SLIT2: variants seen among roughly 807,000 people sequenced by gnomAD.
SLIT2 encodes the protein slit homolog 2 protein.
In SLIT2, 41 loss-of-function variants were observed where a neutral mutation model predicts 185.7. The ratio of observed to expected loss-of-function variants is 0.22; its 90% CI spans 0.17 to 0.29. The LOEUF is 0.29. SLIT2 is among the 10% of genes least tolerant of loss of function. The pLI is 1.00. For synonymous variants in SLIT2, 693 were observed against 680.2 expected, an observed-to-expected ratio of 1.02 and a Z score of -0.29; for missense variants, 1,571 against 1,909.0, an observed-to-expected ratio of 0.82 and a Z score of 3.30.
Position 20,369,306 on chromosome 4 carries a change from C to A in SLIT2, c.396-98446C>A, listed in dbSNP as rs149014199. ...GTCTGGCCATTACAGGGTTGTAATG[C>A]TCATACATGCTGTTGAGGCAGAGGT... On this transcript the variant is annotated intron_variant, in intron 4 of 36. Coordinates refer to ENST00000504154, the MANE Select transcript of SLIT2 (RefSeq NM_004787.4). Among the ~76,000 whole-genome samples, 1,153 of 151,950 alleles carry A rather than the reference C, an allele frequency of 7.6e-3. 27 individuals are homozygous for A. The highest frequency in any genetic ancestry group is 6.8e-3 in the Middle Eastern group (2 of 294).
rs894135519 is a variant in SLIT2, at chr4:20,257,589, A to T, written c.252-279A>T. ...AGCTATCAAAGCTTCAGTGTCAAGG[A>T]TTACTCTTCAGATATACTATTAGTT... is the stretch of plus-strand genomic sequence containing the variant. On this transcript the variant is annotated intron_variant, in intron 2 of 36. Transcript: ENST00000504154. 3.9e-5 allele frequency among the ~76,000 whole-genome samples: 6 copies of T among 152,162 alleles called. No individual in the cohort carries two copies. In the East Asian group the frequency reaches 9.7e-4, roughly 24 times the overall value.
intron 4 of SLIT2, among the ~76,000 whole-genome samples, chr4:20,321,728 C>T (rs754614689): frequency 3.9e-5 from 6 of 152,168 alleles, no homozygotes; most frequent in Non-Finnish European, 7.4e-5. Context: ...TAGACCTTAC[C>T]GCCTCATGCC....
At chr4:20,331,702 T>C (rs1187749094) in intron 4 of SLIT2, among the ~76,000 whole-genome samples, 1 of 152,064 alleles carries the variant, frequency 6.6e-6, no homozygotes, top group Non-Finnish European at 1.5e-5. Flanking sequence ...ATTATATTCA[T>C]AGAGTTGTGT....
At chr4:20,378,212 C>T (rs1329502274) in intron 4 of SLIT2, among the ~76,000 whole-genome samples, 1 of 152,024 alleles carries the variant, frequency 6.6e-6, no homozygotes, top group Non-Finnish European at 1.5e-5. Flanking sequence ...ATCAGTTTTA[C>T]AAAAGGTGAC....
chr4:20,595,643 T>C (rs1380186024), intron 30 of SLIT2, 54 bp from the exon 31 acceptor site: 1 of 1,602,714 alleles, frequency 6.2e-7, no homozygotes, highest in Admixed American at 1.7e-5. Context: ...AAATGCATTG[T>C]TTACTTATTT....
chr4:20,589,900 CTTTTTTT>C (rs34384249), intron 30 of SLIT2, among the ~76,000 whole-genome samples, 163 bp downstream of exon 30: 1 of 84,504 alleles, frequency 1.2e-5, no homozygotes, highest in Admixed American at 1.5e-4. Flanking sequence ...ACAATATGGA[CTTTTTTT>C]TTTTTTTTTT....
At chr4:20,367,814 T>C (rs545461901) in intron 4 of SLIT2, among the ~76,000 whole-genome samples, 13 of 152,024 alleles carry the variant, frequency 8.6e-5, no homozygotes, top group African/African-American at 2.7e-4. Context: ...ACCTCCTCAT[T>C]ATCTCTCCAG....
chr4:20,398,162 A>T (rs956056478), intron 4 of SLIT2, among the ~76,000 whole-genome samples: 1 of 150,580 alleles, frequency 6.6e-6, no homozygotes, highest in Non-Finnish European at 1.5e-5. Context: ...AGATCCCTGA[A>T]AAGTGGGGTT....
chr4:20,345,537 C>CTTTTTTTTTTTTTTT (rs149402460), intron 4 of SLIT2, among the ~76,000 whole-genome samples: 2 of 112,316 alleles, frequency 1.8e-5, no homozygotes, highest in Non-Finnish European at 1.9e-5. Flanking sequence ...TTCCTTTTTT[C>CTTTTTTTTTTTTTTT]TTTTTTCTTT....
intron 4 of SLIT2, among the ~76,000 whole-genome samples, chr4:20,279,152 C>T (rs1479064567): frequency 6.6e-6 from 1 of 152,162 alleles, no homozygotes; most frequent in South Asian, 2.1e-4. Flanking sequence ...TTGACAGTTA[C>T]TCTAAGTCAT....
At chr4:20,360,231 T>C (rs990490516) in intron 4 of SLIT2, among the ~76,000 whole-genome samples, 4 of 152,160 alleles carry the variant, frequency 2.6e-5, no homozygotes, top group Non-Finnish European at 5.9e-5. Flanking sequence ...CTATTATCTG[T>C]CCCTTTTTAA....
At chr4:20,552,127 A>G (rs531745033) in intron 25 of SLIT2, among the ~76,000 whole-genome samples, 8 of 152,320 alleles carry the variant, frequency 5.3e-5, no homozygotes, top group South Asian at 2.1e-4. Context: ...ATGAGCTGCA[A>G]TATGAAGGAA....
intron 4 of SLIT2, among the ~76,000 whole-genome samples, chr4:20,406,205 T>C (rs1329396100): frequency 1.4e-5 from 2 of 144,542 alleles, no homozygotes; most frequent in Non-Finnish European, 3.1e-5. Flanking sequence ...AACAATAATA[T>C]TTCTTGCAGA....
intron 29 of SLIT2, among the ~76,000 whole-genome samples, chr4:20,578,740 T>TAGAC (rs1015182445): frequency 1.3e-5 from 2 of 152,188 alleles, no homozygotes; most frequent in Non-Finnish European, 2.9e-5. Flanking sequence ...TATTTTGTTG[T>TAGAC]AGACATGCCC....
At chr4:20,526,619 G>T (rs891310571) in intron 15 of SLIT2, among the ~76,000 whole-genome samples, 4 of 152,062 alleles carry the variant, frequency 2.6e-5, no homozygotes, top group Non-Finnish European at 5.9e-5. Flanking sequence ...AAGAACAAAA[G>T]TCAGGTTGTT....
chr4:20,331,757 A>G (rs1720086647), intron 4 of SLIT2, among the ~76,000 whole-genome samples: 1 of 152,092 alleles, frequency 6.6e-6, no homozygotes, highest in Admixed American at 6.6e-5. Flanking sequence ...TTATCTAACA[A>G]AAGAATCCCA....
intron 4 of SLIT2, among the ~76,000 whole-genome samples, chr4:20,398,777 T>G (rs1726127589): frequency 6.6e-6 from 1 of 151,864 alleles, no homozygotes; most frequent in South Asian, 2.1e-4. Flanking sequence ...TTATCAATTA[T>G]AATTTCCATT....
chr4:20,394,538 C>G (rs1329758068), intron 4 of SLIT2: 1 of 151,874 alleles, frequency 6.6e-6, no homozygotes, highest in Non-Finnish European at 1.5e-5. Context: ...GGAGACAACT[C>G]TGCACTGTAT....
intron 4 of SLIT2, among the ~76,000 whole-genome samples, chr4:20,377,727 T>C (rs1456512478): frequency 6.6e-6 from 1 of 152,094 alleles, no homozygotes; most frequent in African/African-American, 2.4e-5. Flanking sequence ...TCCAAGTAGG[T>C]AGGACAGTTC....
Sources: gnomAD v4.1 joint callset for allele counts (sites outside exome capture counted in the v4.1 genomes callset) on GRCh38, gnomAD v4.1.1 for gene constraint, MANE v1.5 for transcripts, NCBI Gene and HGNC (gene_info 2026-07-23, HGNC 2026-07-21) for gene names.